Variants in SCARB1 observed in about 807,000 individuals in gnomAD.
SCARB1 encodes the protein CD36 and LIMPII analogous 1.
Under a neutral mutation model 57.2 loss-of-function variants are expected in SCARB1, and 30 were observed. That is an observed-to-expected ratio of 0.52 (90% CI 0.39 to 0.71). SCARB1 has a LOEUF of 0.71. Among genes scored for constraint, SCARB1 ranks in the 30% least tolerant of loss-of-function variants. The pLI is 0.00. For missense variants in SCARB1, 543 were observed against 671.2 expected (o/e 0.81, Z 2.11); for synonymous variants, 249 against 268.3 (o/e 0.93, Z 0.70).
chr12:124,804,084 C>G (rs574947008), intron 7 of SCARB1, among the ~76,000 whole-genome samples: 1 of 152,172 alleles, frequency 6.6e-6, no homozygotes, highest in South Asian at 2.1e-4. Flanking sequence ...TACTTTCAGC[C>G]TTGTGCTTGG....
intron 1 of SCARB1, among the ~76,000 whole-genome samples, chr12:124,844,905 T>C (rs1952079406): frequency 6.7e-6 from 1 of 148,324 alleles, no homozygotes; most frequent in African/African-American, 2.5e-5. Flanking sequence ...AACCTCTGCC[T>C]CCCATGCAGA....
intron 2 of SCARB1, among the ~76,000 whole-genome samples, chr12:124,816,967 G>A (rs868692281): frequency 2.0e-5 from 3 of 151,440 alleles, no homozygotes; most frequent in South Asian, 2.1e-4. Context: ...TGACCCACCC[G>A]GTCCTCTGGC....
chr12:124,786,261 G>C, intron 11 of SCARB1, 96 bp downstream of exon 11: 1 of 1,600,356 alleles, frequency 6.2e-7, no homozygotes, highest in Non-Finnish European at 8.5e-7. Context: ...GTGGGCTCCA[G>C]GCTGCGGTTG....
At chr12:124,781,870 GGTCA>G (rs747952125) in intron 12 of SCARB1, among the ~76,000 whole-genome samples, 11 of 151,958 alleles carry the variant, frequency 7.2e-5, no homozygotes, top group Non-Finnish European at 1.0e-4. Flanking sequence ...CTTTGTTCTT[GGTCA>G]GTCATCCCAG....
intron 1 of SCARB1, among the ~76,000 whole-genome samples, chr12:124,860,073 C>A (rs1365057540): frequency 6.6e-6 from 1 of 151,636 alleles, no homozygotes; most frequent in Non-Finnish European, 1.5e-5. Flanking sequence ...GCTTCAGCGT[C>A]CCGAATAGCT....
chr12:124,830,979 ATT>A (rs34543026), intron 1 of SCARB1, among the ~76,000 whole-genome samples: 4 of 137,858 alleles, frequency 2.9e-5, no homozygotes, highest in Admixed American at 7.2e-5. Context: ...TGCCCAGCTG[ATT>A]TTTTTTTTTT....
chr12:124,795,717 G>A (rs905231742), intron 8 of SCARB1, among the ~76,000 whole-genome samples: 5 of 152,096 alleles, frequency 3.3e-5, no homozygotes, highest in Non-Finnish European at 5.9e-5. Context: ...AACTCCTCCT[G>A]ATCATTTTGA....
intron 1 of SCARB1, among the ~76,000 whole-genome samples, chr12:124,842,983 T>C (rs1225637084): frequency 2.0e-5 from 3 of 152,198 alleles, no homozygotes; most frequent in Non-Finnish European, 4.4e-5. Context: ...TCCCCCTCTG[T>C]GGACGCAAAC....
rs749738954 is a variant in SCARB1 at position 124,817,595 on chromosome 12, T to G, written c.239A>C (p.Lys80Thr). Residue 80 changes from lysine (K) to threonine (T), a missense_variant, in exon 2 of 13, where the codon AAG becomes ACG. By Grantham distance (78) the Lys-to-Thr change is moderately conservative (BLOSUM62 -1). Coordinates refer to ENST00000261693, the MANE Select transcript of SCARB1 (RefSeq NM_005505.5). The surrounding 1 kb of genome is among the most constrained non-coding windows in gnomAD (Gnocchi z 4.8). ...CTCCCGCACCTGCGGCTTCTCGCCC[T>G]TCAGGATCTCGCTGGGGTTCATGAC... is the stretch of plus-strand genomic sequence containing the variant. ...FDVMNPSEIL[K>T]GEKPQVRERG... The G allele has an allele frequency of 6.2e-7, 1 of 1,614,152 alleles. No homozygotes were observed. The highest frequency in any genetic ancestry group is 8.5e-7 in the Non-Finnish European group (1 of 1,180,032).
At chr12:124,792,435 T>C (rs529852875) in intron 9 of SCARB1, among the ~76,000 whole-genome samples, 5 of 151,894 alleles carry the variant, frequency 3.3e-5, no homozygotes, top group Non-Finnish European at 5.9e-5. Flanking sequence ...GAACTGTTTG[T>C]TAAGAATGTG....
intron 1 of SCARB1, among the ~76,000 whole-genome samples, chr12:124,842,834 G>A (rs981011527): frequency 1.9e-4 from 29 of 152,214 alleles, no homozygotes; most frequent in Non-Finnish European, 4.0e-4. Flanking sequence ...GAGGCCCAGG[G>A]CTCGGATGAG....
intron 11 of SCARB1, chr12:124,783,920 C>A (rs897032479): frequency 1.3e-5 from 2 of 152,250 alleles, no homozygotes; most frequent in Admixed American, 1.3e-4. Flanking sequence ...CACTGCCGAT[C>A]GTAGCATTCT....
In SCARB1 at chr12:124,863,634, G is replaced by C; in HGVS notation, c.87C>G (p.Ile29Met). Reference sequence around the variant, plus strand: ...GCTTGATGAGCGACGGCACCATCACGATCATGACAGCGCCCAGCACAGCGC... The same window carrying C: ...GCTTGATGAGCGACGGCACCATCACCATCATGACAGCGCCCAGCACAGCGC... ...LLCAVLGAVM[I>M]VMVPSLIKQQ... The change falls in exon 1 of 13, where the codon ATC (isoleucine) becomes ATG (methionine). Residue 29 changes from isoleucine (I) to methionine (M), a missense_variant. Ile to Met is a conservative substitution (Grantham distance 10). Coordinates refer to ENST00000261693, the MANE Select transcript of SCARB1 (RefSeq NM_005505.5). 1 of 1,599,652 alleles carries C rather than the reference G, an allele frequency of 6.3e-7. No individual in the cohort carries two copies. The highest frequency in any genetic ancestry group is 8.5e-7 in the Non-Finnish European group (1 of 1,173,500).
intron 1 of SCARB1, among the ~76,000 whole-genome samples, chr12:124,851,966 A>C (rs1952421710): frequency 2.0e-5 from 3 of 152,110 alleles, no homozygotes; most frequent in African/African-American, 7.2e-5. Context: ...CTAAATAATG[A>C]ACCTTGGCTT....
chr12:124,850,429 T>C (rs553533958), intron 1 of SCARB1, among the ~76,000 whole-genome samples: 18 of 151,840 alleles, frequency 1.2e-4, no homozygotes, highest in African/African-American at 4.4e-4. Context: ...CCCAGCACTT[T>C]GGGAGGTCGA....
chr12:124,787,300 G>T, intron 10 of SCARB1, 106 bp downstream of exon 10: 2 of 1,015,476 alleles, frequency 2.0e-6, no homozygotes, highest in Non-Finnish European at 3.0e-6. Flanking sequence ...GGTTACCCTG[G>T]CTCAGCCCTC....
chr12:124,825,680 CAG>C (rs1443318006), intron 1 of SCARB1, among the ~76,000 whole-genome samples: 1 of 152,022 alleles, frequency 6.6e-6, no homozygotes, highest in African/African-American at 2.4e-5. Flanking sequence ...TGAAAAACAA[CAG>C]AGAGCCCAGC....
At position 124,814,235 on chromosome 12, in the gene SCARB1, G is replaced by C; in HGVS notation, c.597C>G (p.Phe199Leu). The change falls in exon 4 of 13, where the codon TTC becomes TTG. Residue 199 changes from phenylalanine to leucine, a missense_variant. Coordinates refer to ENST00000261693, the MANE Select transcript of SCARB1 (RefSeq NM_005505.5). The surrounding 1 kb of genome is among the most constrained non-coding windows in gnomAD (Gnocchi z 4.7). ...NLINKYFPGM[F>L]PFKDKFGLFA... ...ATAATCCGAACTTGTCCTTGAAGGG[G>C]AACATGCCTGGAAAGTACTTGTTGA... 6.2e-7 allele frequency: 1 copy of C among 1,614,196 alleles called. No homozygotes were observed. The highest frequency in any genetic ancestry group is 8.5e-7 in the Non-Finnish European group (1 of 1,180,034).
At chr12:124,805,907 GC>G (rs1255736988) in intron 7 of SCARB1, among the ~76,000 whole-genome samples, 6 of 151,944 alleles carry the variant, frequency 3.9e-5, no homozygotes, top group Non-Finnish European at 8.8e-5. Context: ...TGTCGGGAGT[GC>G]TACAGAACTT....
Sources: gnomAD v4.1 joint callset for allele counts (sites outside exome capture counted in the v4.1 genomes callset) on GRCh38, gnomAD v4.1.1 for gene constraint, Gnocchi (gnomAD v3.1) non-coding constraint, MANE v1.5 for transcripts, NCBI Gene and HGNC (gene_info 2026-07-23, HGNC 2026-07-21) for gene names.